SGPL1: variants seen among roughly 807,000 people sequenced by gnomAD.
SGPL1 encodes the protein sphingosine-1-phosphate lyase 1, also known as SP-lyase 1.
SGPL1 carries 37 observed loss-of-function variants against 68.9 expected under a neutral mutation model. The ratio of observed to expected loss-of-function variants is 0.54; its 90% CI spans 0.41 to 0.71. SGPL1 has a LOEUF of 0.71. Among genes scored for constraint, SGPL1 ranks in the 30% least tolerant of loss-of-function variants. SGPL1 has a pLI of 0.00. For synonymous variants in SGPL1, 236 were observed against 248.5 expected, an observed-to-expected ratio of 0.95 and a Z score of 0.47; for missense variants, 551 against 704.6, an observed-to-expected ratio of 0.78 and a Z score of 2.47.
chr10:70,831,909 C>G (rs975400266), intron 2 of SGPL1, among the ~76,000 whole-genome samples: 8 of 152,122 alleles, frequency 5.3e-5, no homozygotes, highest in African/African-American at 1.4e-4. Flanking sequence ...GGTTTTTTGG[C>G]CCACAGTTGG....
In SGPL1 at chr10:70,867,522, A is replaced by G. The variant is rs1589472900; in HGVS notation, c.616-823A>G. ...GGCTGCAGTGAGCCGAGATCATGCC[A>G]TGGCACTCCAGCCTGGGCAACAGAG... On this transcript the variant is annotated intron_variant, in intron 7 of 14. Transcript: ENST00000373202. Among the ~76,000 whole-genome samples the G allele has an allele frequency of 2.0e-5, 3 of 151,802 alleles. No homozygotes were observed. In the East Asian group the frequency reaches 5.8e-4, roughly 29 times the overall value.
chr10:70,840,299 G>A (rs1243702581), intron 2 of SGPL1, among the ~76,000 whole-genome samples: 1 of 151,988 alleles, frequency 6.6e-6, no homozygotes, highest in African/African-American at 2.4e-5. Context: ...GTCTCTGCTT[G>A]TAAAATGAAA....
chr10:70,825,030 T>C (rs1033893582), intron 2 of SGPL1, among the ~76,000 whole-genome samples: 1 of 150,364 alleles, frequency 6.7e-6, no homozygotes. Flanking sequence ...AGTGGCTCGA[T>C]CTCGGCTCAC....
intron 3 of SGPL1, among the ~76,000 whole-genome samples, chr10:70,848,454 CTTTTTTTTTTTTTTTT>C (rs55860254): frequency 8.5e-5 from 6 of 70,678 alleles, no homozygotes; most frequent in Non-Finnish European, 1.2e-4. Context: ...ACCTCACGTA[CTTTTTTTTTTTTTTTT>C]TTTTTTTTTT....
chr10:70,850,743 A>G (rs1236692589), intron 3 of SGPL1, among the ~76,000 whole-genome samples: 1 of 152,224 alleles, frequency 6.6e-6, no homozygotes, highest in South Asian at 2.1e-4. Flanking sequence ...CTTTAAGATA[A>G]TACTCCTAAG....
At chr10:70,851,437 C>T (rs571574006) in intron 4 of SGPL1, among the ~76,000 whole-genome samples, 1 of 152,066 alleles carries the variant, frequency 6.6e-6, no homozygotes, top group African/African-American at 2.4e-5. Flanking sequence ...ACTAAACATC[C>T]TACAGTGTAC....
chr10:70,857,596 C>A lies in SGPL1; in HGVS notation c.410-18C>A. 1 of 1,605,978 alleles carries A rather than the reference C, an allele frequency of 6.2e-7. No homozygotes were observed. Among genetic ancestry groups the A allele is most frequent in the Non-Finnish European group, 8.5e-7 (1 of 1,173,144 alleles). ...GAGATTCTTGCTTACTGACCAGTGA[C>A]CTTACCTTTCTCTGCAGACGCCTTC... is the stretch of plus-strand genomic sequence containing the variant. On this transcript the variant is annotated intron_variant, in intron 5 of 14. Transcript: ENST00000373202.
intron 7 of SGPL1, among the ~76,000 whole-genome samples, chr10:70,863,884 A>G (rs1167935979): frequency 2.0e-5 from 3 of 152,152 alleles, no homozygotes; most frequent in Admixed American, 2.0e-4. Context: ...TATCTTGGGC[A>G]GTCTCTAATG....
intron 2 of SGPL1, among the ~76,000 whole-genome samples, chr10:70,833,875 C>CA (rs1845584515): frequency 6.6e-6 from 1 of 152,066 alleles, no homozygotes; most frequent in Non-Finnish European, 1.5e-5. Flanking sequence ...TTCAGGAAAA[C>CA]AAATAACAAA....
intron 6 of SGPL1, 34 bp from the exon 7 acceptor site, chr10:70,859,336 GT>G: frequency 7.3e-7 from 1 of 1,371,040 alleles, no homozygotes. Context: ...TAGTGTAATA[GT>G]TTTGATTTCA....
At chr10:70,851,085 A>G in intron 3 of SGPL1, 58 bp from the exon 4 acceptor site, 1 of 1,359,724 alleles carries the variant, frequency 7.4e-7, no homozygotes, top group South Asian at 1.2e-5. Flanking sequence ...TGGTTGCTAT[A>G]TGCCAGGTCA....
chr10:70,868,305 C>G, intron 7 of SGPL1, 40 bp from the exon 8 acceptor site: 1 of 1,461,736 alleles, frequency 6.8e-7, no homozygotes, highest in Non-Finnish European at 9.4e-7. Flanking sequence ...CCGGGGCATT[C>G]CTGACTCCCC....
intron 3 of SGPL1, among the ~76,000 whole-genome samples, chr10:70,845,920 T>G (rs1845785634): frequency 6.6e-6 from 1 of 152,238 alleles, no homozygotes; most frequent in African/African-American, 2.4e-5. Context: ...CTCTTTAATG[T>G]GTTTTTTCTG....
In SGPL1 at chr10:70,862,278, A is replaced by G. The variant is rs193231929; in HGVS notation, c.615+2779A>G. 3.9e-5 allele frequency among the ~76,000 whole-genome samples: 6 copies of G among 152,266 alleles called. No individual in the cohort carries two copies. The East Asian group carries it at 9.7e-4, about 25-fold the overall frequency. On this transcript the variant is annotated intron_variant, in intron 7 of 14. Coordinates refer to ENST00000373202, the MANE Select transcript of SGPL1 (RefSeq NM_003901.4). ...CTGAGTGCACCAATCGACACTCTGT[A>G]TCTCGCTGCTCTGGTGGGGGCTTGG... is the stretch of plus-strand genomic sequence containing the variant.
At chr10:70,823,564 A>AG in intron 2 of SGPL1, among the ~76,000 whole-genome samples, 1 of 1,912 alleles carries the variant, frequency 5.2e-4, no homozygotes, top group Admixed American at 5.3e-3. Context: ...CTTTATATTG[A>AG]AAAAAAAAAA....
chr10:70,823,704 T>C, intron 2 of SGPL1, among the ~76,000 whole-genome samples: 1 of 149,162 alleles, frequency 6.7e-6, no homozygotes, highest in South Asian at 2.1e-4. Context: ...TATATAGATA[T>C]ATATATCTTT....
chr10:70,861,867 G>A (rs967733920), intron 7 of SGPL1, among the ~76,000 whole-genome samples: 2 of 152,240 alleles, frequency 1.3e-5, no homozygotes, highest in Non-Finnish European at 2.9e-5. Flanking sequence ...CTGGGCCTTA[G>A]CTGCCTTCCC....
At position 70,844,247 on chromosome 10, in the gene SGPL1, T is replaced by A. The variant is rs368086509; in HGVS notation, c.28-226T>A. ...TTACTGTATAAAATAGGCACAAGAT[T>A]GAAAATAGTCTCAAAGTCCACTAGC... On this transcript the variant is annotated intron_variant, in intron 2 of 14. Transcript: ENST00000373202. Among the ~76,000 whole-genome samples, 20 of 152,210 alleles carry A rather than the reference T, an allele frequency of 1.3e-4. No individual in the cohort carries two copies. In the East Asian group the frequency reaches 3.7e-3, roughly 28 times the overall value.
intron 2 of SGPL1, among the ~76,000 whole-genome samples, chr10:70,824,090 G>A (rs1034585163): frequency 2.0e-5 from 3 of 152,176 alleles, no homozygotes; most frequent in Non-Finnish European, 2.9e-5. Context: ...AGCAGAATCT[G>A]TTCCTATCAA....
Sources: allele counts gnomAD v4.1 joint callset (sites outside exome capture counted in the v4.1 genomes callset), GRCh38; gene constraint gnomAD v4.1.1; transcripts MANE v1.5; gene names NCBI Gene and HGNC (gene_info 2026-07-23, HGNC 2026-07-21).